Variants in SLC25A48 observed in about 807,000 individuals in gnomAD.
SLC25A48 encodes solute carrier family 25 member 48, also known as CTC-321K16.1.
Under a neutral mutation model 32.2 loss-of-function variants are expected in SLC25A48, and 29 were observed. The observed-to-expected ratio is 0.90, with a 90% CI of 0.67 to 1.23. SLC25A48 has a LOEUF of 1.23. Ranked by LOEUF, SLC25A48 falls within the 50% of genes most tolerant of loss-of-function variation. SLC25A48 has a pLI of 0.00. For missense variants in SLC25A48, 399 were observed against 422.7 expected (o/e 0.94, Z 0.49); for synonymous variants, 164 against 172.3 (o/e 0.95, Z 0.38).
Position 135,871,584 on chromosome 5 carries a change from G to C in SLC25A48, c.545G>C (p.Ser182Thr). The C allele has an allele frequency of 6.2e-7, 1 of 1,614,224 alleles. No individual in the cohort carries two copies. ...EGLAGLYRGA[S>T]AMLLRDVPGY... ...CTGGCGGGGCTATACCGGGGGGCCA[G>C]TGCCATGCTGCTGAGGGATGTCCCA... Residue 182 changes from serine (S) to threonine (T), a missense_variant, in exon 5 of 8, where the codon AGT becomes ACT. Ser to Thr is a moderately conservative substitution (Grantham distance 58). Transcript: ENST00000681962.
In SLC25A48 at chr5:135,852,680, GAGCCAGAGGCC is replaced by G; in HGVS notation, c.283_293del (p.Pro95SerfsTer74). 1 of 1,614,016 alleles carries G rather than the reference GAGCCAGAGGCC, an allele frequency of 6.2e-7. No individual in the cohort carries two copies. Among genetic ancestry groups the G allele is most frequent in the Non-Finnish European group, 8.5e-7 (1 of 1,179,924 alleles). ...GTTCCTCAGCCAGCACCGCTGCGGG[GAGCCAGAGGCC>G]AGTCCTCCCCGCACGCTGTCAGACC... On this transcript the variant is annotated frameshift_variant, in exon 4 of 8. Coordinates refer to ENST00000681962, the MANE Select transcript of SLC25A48 (RefSeq NM_001349336.2). LOFTEE classifies it high-confidence loss of function.
chr5:135,824,427 T>C (rs1757974637), intron 4 of SLC25A48: 1 of 152,290 alleles, frequency 6.6e-6, no homozygotes, highest in South Asian at 2.1e-4. Context: ...TGACGCTGAA[T>C]CCGGAGCCCC....
intron 3 of SLC25A48, among the ~76,000 whole-genome samples, chr5:135,685,726 T>C (rs1398269209): frequency 6.6e-6 from 1 of 152,222 alleles, no homozygotes; most frequent in Non-Finnish European, 1.5e-5. Context: ...ACCCAGCCTA[T>C]GTAAGGACCT....
intron 3 of SLC25A48, among the ~76,000 whole-genome samples, chr5:135,751,965 CA>C (rs1561476035): frequency 1.3e-5 from 2 of 151,984 alleles, no homozygotes; most frequent in East Asian, 3.9e-4. Flanking sequence ...GATATCCAAA[CA>C]GAAAAAAATG....
chr5:135,849,874 GAA>G (rs1371023452), intron 2 of SLC25A48, among the ~76,000 whole-genome samples: 1 of 152,138 alleles, frequency 6.6e-6, no homozygotes, highest in Non-Finnish European at 1.5e-5. Context: ...GGCTCAGGGA[GAA>G]TGCAGAATTT....
At chr5:135,672,742 G>A (rs1388250641) in intron 3 of SLC25A48, among the ~76,000 whole-genome samples, 2 of 152,106 alleles carry the variant, frequency 1.3e-5, no homozygotes, top group Admixed American at 6.5e-5. Context: ...ACAAGAAGTT[G>A]TACATATTTA....
At chr5:135,649,138 A>G (rs1035528092) in intron 3 of SLC25A48, 1 of 152,254 alleles carries the variant, frequency 6.6e-6, no homozygotes, top group African/African-American at 2.4e-5. Context: ...TGGAGTAGAG[A>G]CAATAGCGGG....
intron 1 of SLC25A48, among the ~76,000 whole-genome samples, chr5:135,628,174 A>G (rs993076046): frequency 6.6e-6 from 1 of 152,144 alleles, no homozygotes; most frequent in Non-Finnish European, 1.5e-5. Flanking sequence ...ATACTCATAA[A>G]AGACATTCTG....
intron 3 of SLC25A48, among the ~76,000 whole-genome samples, chr5:135,739,309 G>A (rs1271257121): frequency 6.6e-6 from 1 of 151,964 alleles, no homozygotes; most frequent in Non-Finnish European, 1.5e-5. Flanking sequence ...GTAGAGATAG[G>A]GGTCTCACTT....
At chr5:135,769,219 G>A (rs963496176) in intron 3 of SLC25A48, among the ~76,000 whole-genome samples, 2 of 133,094 alleles carry the variant, frequency 1.5e-5, no homozygotes, top group African/African-American at 2.7e-5. Flanking sequence ...TCCTAATATT[G>A]TAGGGGGTAT....
At chr5:135,705,572 A>G (rs1448394102) in intron 3 of SLC25A48, among the ~76,000 whole-genome samples, 6 of 152,236 alleles carry the variant, frequency 3.9e-5, no homozygotes, top group Non-Finnish European at 8.8e-5. Context: ...TAGACCATGC[A>G]CTAACATTAT....
chr5:135,795,227 G>A (rs1419983736), intron 3 of SLC25A48, among the ~76,000 whole-genome samples: 6 of 151,748 alleles, frequency 4.0e-5, no homozygotes, highest in Non-Finnish European at 8.8e-5. Flanking sequence ...GGGAGAGGAA[G>A]ATATTACTCC....
chr5:135,711,202 T>G (rs1324286127), intron 3 of SLC25A48, among the ~76,000 whole-genome samples: 1 of 152,138 alleles, frequency 6.6e-6, no homozygotes, highest in Non-Finnish European at 1.5e-5. Flanking sequence ...CCATTGAGAT[T>G]TGAGATATTT....
intron 3 of SLC25A48, among the ~76,000 whole-genome samples, chr5:135,675,870 A>G (rs114958516): frequency 6.6e-6 from 1 of 151,950 alleles, no homozygotes; most frequent in African/African-American, 2.4e-5. Context: ...GTCCTCTTCA[A>G]TTTTTTAAAT....
At chr5:135,851,603 C>CAT (rs10656600) in intron 3 of SLC25A48, among the ~76,000 whole-genome samples, 117,324 of 151,968 alleles carry the variant, frequency 0.77, 45,488 homozygotes, top group Middle Eastern at 0.86. Context: ...TGTATATATG[C>CAT]GTGTGTGTGC....
chr5:135,704,189 C>A (rs1561455951), intron 3 of SLC25A48, among the ~76,000 whole-genome samples: 1 of 152,172 alleles, frequency 6.6e-6, no homozygotes, highest in African/African-American at 2.4e-5. Flanking sequence ...GATGTCGGGA[C>A]CAGGAGGAAG....
At chr5:135,851,166 C>T (rs1229647511) in intron 3 of SLC25A48, among the ~76,000 whole-genome samples, 1 of 152,156 alleles carries the variant, frequency 6.6e-6, no homozygotes. Context: ...AAATGTGGTC[C>T]CACTGTAGCC....
At chr5:135,732,345 A>G (rs571601647) in intron 3 of SLC25A48, among the ~76,000 whole-genome samples, 1 of 152,272 alleles carries the variant, frequency 6.6e-6, no homozygotes, top group Admixed American at 6.5e-5. Flanking sequence ...ATTATGTCTG[A>G]CAAAAGGGAA....
chr5:135,863,599 A>G (rs76758298), intron 4 of SLC25A48, among the ~76,000 whole-genome samples: 4,347 of 152,238 alleles, frequency 0.029, 189 homozygotes, highest in African/African-American at 0.097. Context: ...GAGCTATACC[A>G]CGTTAATGCC....
Sources: allele counts gnomAD v4.1 joint callset (sites outside exome capture counted in the v4.1 genomes callset), GRCh38; gene constraint gnomAD v4.1.1; transcripts MANE v1.5; gene names NCBI Gene and HGNC (gene_info 2026-07-23, HGNC 2026-07-21).